MEST: variants seen among roughly 807,000 people sequenced by gnomAD.
MEST encodes mesoderm specific transcript.
In MEST, 18 loss-of-function variants were observed where a neutral mutation model predicts 50.9. The observed-to-expected ratio is 0.35, with a 90% CI of 0.24 to 0.52. MEST has a LOEUF of 0.52. MEST is among the 20% of genes least tolerant of loss of function. The pLI is 0.94. For missense variants in MEST, 282 were observed against 425.3 expected (o/e 0.66, Z 2.96); for synonymous variants, 130 against 154.1 (o/e 0.84, Z 1.16).
chr7:130,492,135 C>T lies in MEST; in HGVS notation c.-179C>T. 1 of 330,548 alleles carries T rather than the reference C, an allele frequency of 3.0e-6. No homozygotes were observed. The highest frequency in any genetic ancestry group is 5.8e-5 in the East Asian group (1 of 17,206). The allele number at this position is 330,548 out of a possible 1,614,324, so 20.5% of individuals were successfully genotyped here. A position where few individuals can be genotyped will look rare whatever the true frequency, so the allele number is the denominator to read the frequency against. On this transcript the variant is annotated 5_prime_UTR_variant, in exon 1 of 12. Transcript: ENST00000223215. This position sits in a 1 kb window ranked among gnomAD's most constrained non-coding sequence, Gnocchi z 7.6. The stretch of plus-strand genomic sequence containing the variant: ...CACCTCCTCTGCGGCAGCTGCGCCT[C>T]GCAAGCGCAGTGCCGCAGCGCACGC...
Position 130,505,029 on chromosome 7 carries a change from A to G in MEST, c.981A>G (p.Ala327=), listed in dbSNP as rs1307314413. 1.9e-6 allele frequency: 3 copies of G among 1,613,526 alleles called. No individual in the cohort carries two copies. Among genetic ancestry groups the G allele is most frequent in the South Asian group, 1.1e-5 (1 of 91,058 alleles). The change falls in exon 12 of 12, where the codon GCA becomes GCG. Residue 327 remains alanine (A), a synonymous_variant. Transcript: ENST00000223215. ...QLEDPMGFLN[A]YMGFINSF ...AGGATCCCATGGGCTTCTTGAATGC[A>G]TATATGGGCTTCATCAACTCCTTCT...
At position 130,505,150 on chromosome 7, in the gene MEST, A is replaced by G; in HGVS notation, c.*94A>G. On this transcript the variant is annotated 3_prime_UTR_variant, in exon 12 of 12. Coordinates refer to ENST00000223215, the MANE Select transcript of MEST (RefSeq NM_002402.4). ...GAAATGCCCAAAAGAGGTCCTGGCC[A>G]TCAAACATAATTCTCTCACAAAGTC... 1 of 908,394 alleles carries G rather than the reference A, an allele frequency of 1.1e-6. No homozygotes were observed. Among genetic ancestry groups the G allele is most frequent in the Non-Finnish European group, 1.8e-6 (1 of 565,912 alleles). 56.3% of individuals were successfully genotyped at this position (908,394 alleles called of 1,614,324 possible).
Position 130,500,398 on chromosome 7 carries a change from C to T in MEST, c.577-64C>T, listed in dbSNP as rs1334899967. On this transcript the variant is annotated intron_variant, in intron 7 of 11. Transcript: ENST00000223215. The surrounding 1 kb of genome is among the most constrained non-coding windows in gnomAD (Gnocchi z 5.0). ...AAAGATTTAGTTCCTAGTATAAAAC[C>T]TTTTGCCCCGGTGAGGATCTTCCTC... The T allele has an allele frequency of 3.5e-6, 5 of 1,423,776 alleles. No individual in the cohort carries two copies. The highest frequency in any genetic ancestry group is 3.9e-6 in the Non-Finnish European group (4 of 1,025,498). The allele number at this position is 1,423,776 out of a possible 1,614,324, so 88.2% of individuals were successfully genotyped here. A position where few individuals can be genotyped will look rare whatever the true frequency, so the allele number is the denominator to read the frequency against.
In MEST at chr7:130,492,245, C is replaced by A. The variant is rs1798849870; in HGVS notation, c.-69C>A. The A allele has an allele frequency of 7.8e-7, 1 of 1,277,668 alleles. No individual in the cohort carries two copies. The highest frequency in any genetic ancestry group is 9.9e-7 in the Non-Finnish European group (1 of 1,008,480). 79.1% of individuals were successfully genotyped at this position (1,277,668 alleles called of 1,614,324 possible). A position where few individuals can be genotyped will look rare whatever the true frequency, so the allele number is the denominator to read the frequency against. ...GCGCCCCCGCTGCTGGCCAGCTCTGCACGGCTGCGGGCTCTGCGGCGCCCG... is the reference window on the plus strand; with the variant it reads ...GCGCCCCCGCTGCTGGCCAGCTCTGAACGGCTGCGGGCTCTGCGGCGCCCG... On this transcript the variant is annotated 5_prime_UTR_variant, in exon 1 of 12. Coordinates refer to ENST00000223215, the MANE Select transcript of MEST (RefSeq NM_002402.4). This position sits in a 1 kb window ranked among gnomAD's most constrained non-coding sequence, Gnocchi z 7.6.
chr7:130,497,329 G>A lies in MEST; in HGVS notation c.261+94G>A. On this transcript the variant is annotated intron_variant, in intron 3 of 11. Coordinates refer to ENST00000223215, the MANE Select transcript of MEST (RefSeq NM_002402.4). This position sits in a 1 kb window ranked among gnomAD's most constrained non-coding sequence, Gnocchi z 4.0. ...CCTAGCACTTTGGGAGGCTGAGGTG[G>A]GAGGATGACCTGAGGTCAGGAGTTT... The A allele has an allele frequency of 1.0e-6, 1 of 987,386 alleles. No homozygotes were observed. Among genetic ancestry groups the A allele is most frequent in the Non-Finnish European group, 1.5e-6 (1 of 658,082 alleles). 61.2% of individuals were successfully genotyped at this position (987,386 alleles called of 1,614,324 possible). A position where few individuals can be genotyped will look rare whatever the true frequency, so the allele number is the denominator to read the frequency against.
chr7:130,495,357 T>G lies in MEST; in HGVS notation c.27-11T>G. On this transcript the variant is annotated splice_polypyrimidine_tract_variant and intron_variant, in intron 1 of 11. Coordinates refer to ENST00000223215, the MANE Select transcript of MEST (RefSeq NM_002402.4). ...CTGACTGCTTACAGTGGGTCTCTGC[T>G]TTTCCTACAGGATGAGGGAGTGGTG... The G allele has an allele frequency of 6.3e-7, 1 of 1,597,184 alleles. No homozygotes were observed. The highest frequency in any genetic ancestry group is 8.5e-7 in the Non-Finnish European group (1 of 1,170,994).
chr7:130,499,138 CA>C (rs1799182583), intron 6 of MEST, among the ~76,000 whole-genome samples: 1 of 152,168 alleles, frequency 6.6e-6, no homozygotes, highest in Non-Finnish European at 1.5e-5. Flanking sequence ...TGAGATTCCC[CA>C]ACTCCTAACT....
At position 130,506,153 on chromosome 7, in the gene MEST, C is replaced by T. The variant is rs1803442; in HGVS notation, c.*1097C>T. 6.6e-6 allele frequency: 1 copy of T among 152,504 alleles called. No individual in the cohort carries two copies. Among genetic ancestry groups the T allele is most frequent in the Middle Eastern group, 3.2e-3 (1 of 316 alleles). 9.4% of individuals were successfully genotyped at this position (152,504 alleles called of 1,614,324 possible). ...GCTGAATACTTTTTTTTTAAAGCCA[C>T]ATTTCATTGTCTTAGTCAAAGCAGG... On this transcript the variant is annotated 3_prime_UTR_variant, in exon 12 of 12. Transcript: ENST00000223215.
chr7:130,504,870 G>T lies in MEST; in HGVS notation c.891-69G>T, dbSNP rs370823132. The T allele has an allele frequency of 1.4e-4, 165 of 1,178,116 alleles. 2 individuals carry two copies. The highest frequency in any genetic ancestry group is 1.2e-3 in the African/African-American group (77 of 66,470). 73.0% of individuals were successfully genotyped at this position (1,178,116 alleles called of 1,614,324 possible). A position where few individuals can be genotyped will look rare whatever the true frequency, so the allele number is the denominator to read the frequency against. On this transcript the variant is annotated intron_variant, in intron 11 of 11. Transcript: ENST00000223215. ...TGTGTCCACAGGGTCATTTACTGGG[G>T]CTTCCCACTGGCTTACATCCCTCCC...
intron 2 of MEST, chr7:130,495,777 A>ATTTTTTT: frequency 3.5e-5 from 7 of 201,992 alleles, no homozygotes; most frequent in East Asian, 1.3e-4. Context: ...TTCCAATATT[A>ATTTTTTT]GTTTTTTTTT....
At position 130,504,957 on chromosome 7, in the gene MEST, C is replaced by T. The variant is rs782649194; in HGVS notation, c.909C>T (p.Ser303=). 6.2e-7 allele frequency: 1 copy of T among 1,613,706 alleles called. No homozygotes were observed. The highest frequency in any genetic ancestry group is 1.7e-5 in the Admixed American group (1 of 59,994). ...CCACTAGGAAAACGCTGCCGCGGTCCACAGTGTCGATTCTGGATGACCACA... is the reference window on the plus strand; with the variant it reads ...CCACTAGGAAAACGCTGCCGCGGTCTACAGTGTCGATTCTGGATGACCACA... ...LELYRKTLPR[S]TVSILDDHIS... Residue 303 remains serine, a synonymous_variant, in exon 12 of 12, where the codon TCC becomes TCT. Transcript: ENST00000223215.
rs548372063 is a variant in MEST at position 130,498,172 on chromosome 7, A to G, written c.373A>G (p.Ser125Gly). 1 of 1,614,152 alleles carries G rather than the reference A, an allele frequency of 6.2e-7. No homozygotes were observed. Among genetic ancestry groups the G allele is most frequent in the African/African-American group, 1.3e-5 (1 of 75,018 alleles). The change falls in exon 5 of 12, where the codon AGC becomes GGC. Residue 125 changes from serine (S) to glycine (G), a missense_variant. Coordinates refer to ENST00000223215, the MANE Select transcript of MEST (RefSeq NM_002402.4). ...TCACTATTCCATATTTGAGCAGGCC[A>G]GCATCGTGGAAGCGCTTTTGCGGCA... is the stretch of plus-strand genomic sequence containing the variant. ...PHHYSIFEQA[S>G]IVEALLRHLG...
At position 130,506,306 on chromosome 7, in the gene MEST, T is replaced by TCCCCTCC. The variant is rs1332541969; in HGVS notation, c.*1262_*1268dup. On this transcript the variant is annotated 3_prime_UTR_variant, in exon 12 of 12. Coordinates refer to ENST00000223215, the MANE Select transcript of MEST (RefSeq NM_002402.4). ...ATTGTGACAAAAGTGGACTCTGGCT[T>TCCCCTCC]CCCCTCCCCCCTCCCCCCCACCCCT... 7.7e-6 allele frequency: 1 copy of TCCCCTCC among 129,730 alleles called. No homozygotes were observed. Among genetic ancestry groups the TCCCCTCC allele is most frequent in the African/African-American group, 2.9e-5 (1 of 34,878 alleles). 8.0% of individuals were successfully genotyped at this position (129,730 alleles called of 1,614,324 possible).
chr7:130,497,403 A>G lies in MEST; in HGVS notation c.261+168A>G. On this transcript the variant is annotated intron_variant, in intron 3 of 11. Coordinates refer to ENST00000223215, the MANE Select transcript of MEST (RefSeq NM_002402.4). This position sits in a 1 kb window ranked among gnomAD's most constrained non-coding sequence, Gnocchi z 4.0. ...AAAACCCCATCTCTACTAAAAGTAT[A>G]AAAATTGGCCAGGCATGGTGGCACA... 1 of 449,130 alleles carries G rather than the reference A, an allele frequency of 2.2e-6. No individual in the cohort carries two copies. Among genetic ancestry groups the G allele is most frequent in the South Asian group, 3.0e-5 (1 of 33,714 alleles). 27.8% of individuals were successfully genotyped at this position (449,130 alleles called of 1,614,324 possible). A position where few individuals can be genotyped will look rare whatever the true frequency, so the allele number is the denominator to read the frequency against.
In MEST at chr7:130,492,814, A is replaced by G. The variant is rs1288180163; in HGVS notation, c.26+475A>G. Among the ~76,000 whole-genome samples, 1 of 151,970 alleles carries G rather than the reference A, an allele frequency of 6.6e-6. No individual in the cohort carries two copies. Among genetic ancestry groups the G allele is most frequent in the Non-Finnish European group, 1.5e-5 (1 of 68,002 alleles). On this transcript the variant is annotated intron_variant, in intron 1 of 11. Transcript: ENST00000223215. The surrounding 1 kb of genome is among the most constrained non-coding windows in gnomAD (Gnocchi z 7.6). ...TAGACTCCGGCTTCCCTCTGGTGCGATTCAGGATTCTTAGACTCCGCCGTT... is the reference window on the plus strand; with the variant it reads ...TAGACTCCGGCTTCCCTCTGGTGCGGTTCAGGATTCTTAGACTCCGCCGTT...
chr7:130,499,832 AT>A (rs782030912), intron 6 of MEST, 42 bp from the exon 7 acceptor site: 3 of 1,550,628 alleles, frequency 1.9e-6, no homozygotes, highest in Admixed American at 2.0e-5. Flanking sequence ...AAAAAAAAAA[AT>A]TAAAGCTGTA....
chr7:130,500,360 A>G lies in MEST; in HGVS notation c.577-102A>G. 1 of 967,030 alleles carries G rather than the reference A, an allele frequency of 1.0e-6. No homozygotes were observed. Among genetic ancestry groups the G allele is most frequent in the Non-Finnish European group, 1.6e-6 (1 of 643,348 alleles). The allele number at this position is 967,030 out of a possible 1,614,324, so 59.9% of individuals were successfully genotyped here. ...GCCAAGTACCAAACCATTCAGTAGC[A>G]GGAGATTTGGCTAAAGATTTAGTTC... On this transcript the variant is annotated intron_variant, in intron 7 of 11. Coordinates refer to ENST00000223215, the MANE Select transcript of MEST (RefSeq NM_002402.4). The surrounding 1 kb of genome is among the most constrained non-coding windows in gnomAD (Gnocchi z 5.0).
In MEST at chr7:130,502,739, T is replaced by C. The variant is rs782008481; in HGVS notation, c.826+19T>C. The stretch of plus-strand genomic sequence containing the variant: ...ATCCCCAGTGAGTATTTTTGTATTA[T>C]TGATAGGAAACTGAAGGACTATAGG... On this transcript the variant is annotated intron_variant, in intron 10 of 11. Transcript: ENST00000223215. 2 of 1,591,544 alleles carry C rather than the reference T, an allele frequency of 1.3e-6. No individual in the cohort carries two copies. The highest frequency in any genetic ancestry group is 1.7e-6 in the Non-Finnish European group (2 of 1,159,580).
chr7:130,504,089 A>G (rs1799381696), intron 11 of MEST, 93 bp downstream of exon 11: 3 of 991,210 alleles, frequency 3.0e-6, no homozygotes, highest in Non-Finnish European at 4.7e-6. Context: ...GGCTCTAGCC[A>G]TTGTCTTTAA....
Sources: allele counts gnomAD v4.1 joint callset (sites outside exome capture counted in the v4.1 genomes callset), GRCh38; gene constraint gnomAD v4.1.1; non-coding constraint Gnocchi (gnomAD v3.1); transcripts MANE v1.5; gene names NCBI Gene and HGNC (gene_info 2026-07-23, HGNC 2026-07-21).